RBFOX1: variants seen among roughly 807,000 people sequenced by gnomAD.
RBFOX1 encodes RNA binding fox-1 homolog 1.
In RBFOX1, 8 loss-of-function variants were observed where a neutral mutation model predicts 57.7. The observed-to-expected ratio is 0.14, with a 90% confidence interval of 0.08 to 0.25. The LOEUF (loss-of-function observed/expected upper bound fraction) is 0.25. RBFOX1 is among the 10% of genes least tolerant of loss of function. The probability of loss-of-function intolerance (pLI) is 1.00; values close to 1 mark genes in which losing one functional copy is unlikely to be tolerated. For synonymous variants in RBFOX1, 326 were observed against 222.4 expected (o/e 1.47, Z -4.15); for missense variants, 611 against 548.5 (o/e 1.11, Z -1.14).
chr16:6,774,061 G>T, intron 3 of RBFOX1: 1 of 925,552 alleles, frequency 1.1e-6, no homozygotes, highest in Non-Finnish European at 1.3e-6. Context: ...TTGGCTTTCT[G>T]ATTTCCCATT....
At position 6,543,036 on chromosome 16, in the gene RBFOX1, G is replaced by A. The variant is rs1312458945; in HGVS notation, c.-63-111567G>A. Among the ~76,000 whole-genome samples the A allele has an allele frequency of 2.0e-5, 3 of 152,014 alleles. No homozygotes were observed. The East Asian group carries it at 5.8e-4, about 29-fold the overall frequency. ...TCTCCCTCCCCAGGGCCACACTATCGTTTGGCAGTAATCACATCCAAGCCA... is the reference window on the plus strand; with the variant it reads ...TCTCCCTCCCCAGGGCCACACTATCATTTGGCAGTAATCACATCCAAGCCA... On this transcript the variant is annotated intron_variant, in intron 2 of 15. Transcript: ENST00000550418.
intron 3 of RBFOX1, among the ~76,000 whole-genome samples, chr16:7,014,838 C>A (rs1401527393): frequency 6.6e-6 from 1 of 152,134 alleles, no homozygotes; most frequent in Non-Finnish European, 1.5e-5. Context: ...ACTTCTCCTG[C>A]ATTAGCCTCC....
intron 3 of RBFOX1, among the ~76,000 whole-genome samples, chr16:6,816,969 T>A (rs2154271239): frequency 6.6e-6 from 1 of 152,144 alleles, no homozygotes; most frequent in South Asian, 2.1e-4. Context: ...GGTGGTCTCA[T>A]ACTCCTGTGC....
rs761954013 is a variant in RBFOX1, at chr16:6,097,621, G to A, written c.-127+77629G>A. 6.6e-6 allele frequency among the ~76,000 whole-genome samples: 1 copy of A among 152,176 alleles called. No individual in the cohort carries two copies. Among genetic ancestry groups the A allele is most frequent in the African/African-American group, 2.4e-5 (1 of 41,436 alleles). ...CTCATTTCACAGATGAGAAAAATGA[G>A]TCAGTAGGAGGAAAAGTGATTGACT... On this transcript the variant is annotated intron_variant, in intron 1 of 15. Coordinates refer to ENST00000550418, the MANE Select transcript of RBFOX1 (RefSeq NM_018723.4). The surrounding 1 kb of genome is among the most constrained non-coding windows in gnomAD (Gnocchi z 5.0).
intron 2 of RBFOX1, among the ~76,000 whole-genome samples, chr16:6,530,315 T>G (rs1008870388): frequency 3.9e-5 from 6 of 152,136 alleles, no homozygotes; most frequent in South Asian, 2.1e-4. Flanking sequence ...ATGGTAAGCA[T>G]GAGTGAGTTT....
intron 4 of RBFOX1, among the ~76,000 whole-genome samples, chr16:7,313,678 A>C (rs1603618775): frequency 6.8e-6 from 1 of 148,122 alleles, no homozygotes; most frequent in Non-Finnish European, 1.5e-5. Flanking sequence ...ACGAATAAGC[A>C]CTTTTACATG....
At chr16:6,111,546 T>C (rs544576474) in intron 1 of RBFOX1, among the ~76,000 whole-genome samples, 4 of 152,322 alleles carry the variant, frequency 2.6e-5, no homozygotes, top group African/African-American at 9.6e-5. Flanking sequence ...TATAGGCATG[T>C]CCCATTGGAG....
intron 4 of RBFOX1, among the ~76,000 whole-genome samples, chr16:5,910,706 C>G (rs2058582904): frequency 6.6e-6 from 1 of 152,130 alleles, no homozygotes. Context: ...CTATTTTTAT[C>G]AGTAGGATGC....
intron 2 of RBFOX1, among the ~76,000 whole-genome samples, chr16:6,518,703 GTCCA>G (rs1260785424): frequency 2.0e-5 from 3 of 152,100 alleles, no homozygotes; most frequent in Admixed American, 2.0e-4. Flanking sequence ...GTATGTATCT[GTCCA>G]TCCGTCCGTC....
chr16:6,888,551 G>T (rs992976405), intron 3 of RBFOX1, among the ~76,000 whole-genome samples: 4 of 151,730 alleles, frequency 2.6e-5, no homozygotes, highest in African/African-American at 9.7e-5. Flanking sequence ...GTTTTTACTT[G>T]CTGTTTGTCC....
chr16:6,118,593 C>G (rs1202710817), intron 1 of RBFOX1, among the ~76,000 whole-genome samples: 2 of 151,712 alleles, frequency 1.3e-5, no homozygotes, highest in Non-Finnish European at 2.9e-5. Context: ...CCTTCTCTCC[C>G]TCTCTTTCTC....
At chr16:6,839,899 C>T (rs918948170) in intron 3 of RBFOX1, among the ~76,000 whole-genome samples, 1 of 152,162 alleles carries the variant, frequency 6.6e-6, no homozygotes, top group African/African-American at 2.4e-5. Flanking sequence ...CTCTCGATTT[C>T]TTAACTTTCA....
intron 1 of RBFOX1, among the ~76,000 whole-genome samples, chr16:5,367,258 G>A (rs562080434): frequency 1.6e-4 from 25 of 152,266 alleles, no homozygotes; most frequent in African/African-American, 6.0e-4. Context: ...CACACAAGTG[G>A]GTATCTTATG....
chr16:6,847,123 G>A (rs560110778), intron 3 of RBFOX1, among the ~76,000 whole-genome samples: 1 of 152,176 alleles, frequency 6.6e-6, no homozygotes, highest in African/African-American at 2.4e-5. Context: ...CCTGCTCAGA[G>A]ATGGTTCATC....
rs28579505 is a variant in RBFOX1 at position 6,815,319 on chromosome 16, C to T, written c.-16+160669C>T. On this transcript the variant is annotated intron_variant, in intron 3 of 15. Coordinates refer to ENST00000550418, the MANE Select transcript of RBFOX1 (RefSeq NM_018723.4). ...TTTTATTTTCTAGGTCTTTGTGCCC[C>T]GTATTGTGTGCTGAACTCCTGTCTC... 2.0e-3 allele frequency among the ~76,000 whole-genome samples: 299 copies of T among 152,170 alleles called. 3 individuals carry two copies. The highest frequency in any genetic ancestry group is 7.0e-3 in the African/African-American group (291 of 41,522).
chr16:6,257,874 G>A (rs976300119), intron 1 of RBFOX1, among the ~76,000 whole-genome samples: 6 of 152,106 alleles, frequency 3.9e-5, no homozygotes, highest in African/African-American at 1.4e-4. Flanking sequence ...GAATAGTGCT[G>A]CAGTGAACAT....
At chr16:6,263,493 C>A (rs1384195919) in intron 1 of RBFOX1, among the ~76,000 whole-genome samples, 2 of 152,068 alleles carry the variant, frequency 1.3e-5, no homozygotes, top group Non-Finnish European at 2.9e-5. Flanking sequence ...AGCAGTGCAG[C>A]CTCCATTTAT....
intron 1 of RBFOX1, among the ~76,000 whole-genome samples, chr16:6,249,865 G>A (rs1347852211): frequency 6.6e-6 from 1 of 150,542 alleles, no homozygotes; most frequent in Admixed American, 6.6e-5. Context: ...ATGTTGGTGT[G>A]CTGCACCCAG....
At chr16:7,011,494 T>G (rs2153656312) in intron 3 of RBFOX1, among the ~76,000 whole-genome samples, 1 of 152,058 alleles carries the variant, frequency 6.6e-6, no homozygotes, top group Non-Finnish European at 1.5e-5. Context: ...TGTTTGTTTT[T>G]GTTGTGCGTT....
Sources: allele counts gnomAD v4.1 joint callset (sites outside exome capture counted in the v4.1 genomes callset), GRCh38; gene constraint gnomAD v4.1.1; non-coding constraint Gnocchi (gnomAD v3.1); transcripts MANE v1.5; gene names NCBI Gene and HGNC (gene_info 2026-07-23, HGNC 2026-07-21).